The following HPSE2 variants were observed in gnomAD, a reference collection of about 807,000 sequenced individuals.
HPSE2 encodes inactive heparanase-2.
A neutral mutation model predicts 60.5 loss-of-function variants in HPSE2; 38 were observed. The observed-to-expected ratio is 0.63, with a 90% CI of 0.48 to 0.82. HPSE2 has a LOEUF of 0.82. HPSE2 is among the 40% of genes least tolerant of loss of function. The probability of loss-of-function intolerance (pLI) is 0.00; values close to 1 mark genes in which losing one functional copy is unlikely to be tolerated. For synonymous variants in HPSE2, 295 were observed against 293.2 expected (o/e 1.01, Z -0.06); for missense variants, 713 against 740.4 (o/e 0.96, Z 0.43).
At chr10:98,648,706 A>G (rs1213275746) in intron 6 of HPSE2, among the ~76,000 whole-genome samples, 2 of 152,124 alleles carry the variant, frequency 1.3e-5, no homozygotes, top group Admixed American at 6.5e-5. Flanking sequence ...TTATGGCACC[A>G]GTACTCAGCC....
chr10:99,199,287 G>A (rs1369768013), intron 2 of HPSE2, among the ~76,000 whole-genome samples: 1 of 151,990 alleles, frequency 6.6e-6, no homozygotes, highest in Non-Finnish European at 1.5e-5. Flanking sequence ...CATTTCCATT[G>A]ATAGTATAAA....
the HPSE2 span, among the ~76,000 whole-genome samples, chr10:99,275,812 A>T: frequency 6.6e-6 from 1 of 152,124 alleles, no homozygotes; most frequent in African/African-American, 2.4e-5. Context: ...AGCTCAGAGC[A>T]GGCTCCTTCA....
rs1555017138 is a variant in HPSE2, at chr10:98,852,113, ATGTGTGTGTGTGTGTGTG to A, written c.611-108075_611-108058del. 6.5e-5 allele frequency among the ~76,000 whole-genome samples: 6 copies of A among 91,966 alleles called. No individual in the cohort carries two copies. The East Asian group carries it at 1.1e-3, about 17-fold the overall frequency. 60.3% of individuals were successfully genotyped at this position (91,966 alleles called of 152,430 possible). On this transcript the variant is annotated intron_variant, in intron 3 of 11. Transcript: ENST00000370552. ...GGTTTTGCAAACCTTGTATATTATG[ATGTGTGTGTGTGTGTGTG>A]TGTGTGTGTGTGTGTGTGTGTGTGT...
At chr10:99,061,785 G>A (rs1234804883) in intron 3 of HPSE2, among the ~76,000 whole-genome samples, 1 of 152,180 alleles carries the variant, frequency 6.6e-6, no homozygotes, top group African/African-American at 2.4e-5. Context: ...TTCCCTATCT[G>A]CAAATACATT....
chr10:98,832,588 TAAGA>T (rs549547806), intron 3 of HPSE2, among the ~76,000 whole-genome samples: 70 of 152,238 alleles, frequency 4.6e-4, no homozygotes, highest in African/African-American at 1.6e-3. Flanking sequence ...GTGAGGTAGC[TAAGA>T]ATCTGCACCA....
chr10:98,729,477 C>T (rs760293039), intron 4 of HPSE2, among the ~76,000 whole-genome samples: 12 of 152,054 alleles, frequency 7.9e-5, no homozygotes, highest in East Asian at 3.9e-4. Flanking sequence ...GGCGTGGTGG[C>T]GGGCGCCTGT....
intron 2 of HPSE2, among the ~76,000 whole-genome samples, chr10:99,221,956 T>C (rs1306389749): frequency 6.6e-6 from 1 of 151,860 alleles, no homozygotes; most frequent in South Asian, 2.1e-4. Flanking sequence ...GACAACAAGA[T>C]GGAGAGAGGC....
chr10:98,899,938 C>T (rs1590041296), intron 3 of HPSE2, among the ~76,000 whole-genome samples: 1 of 152,014 alleles, frequency 6.6e-6, no homozygotes, highest in Non-Finnish European at 1.5e-5. Context: ...TGTGCATCAC[C>T]ACGCCCAGCT....
chr10:99,160,659 G>A (rs1459768167), intron 2 of HPSE2, among the ~76,000 whole-genome samples: 2 of 152,104 alleles, frequency 1.3e-5, no homozygotes, highest in Middle Eastern at 3.4e-3. Context: ...CAGCACTTTG[G>A]GAGGCCGAGG....
chr10:98,989,484 C>T (rs1429283617), intron 3 of HPSE2, among the ~76,000 whole-genome samples: 3 of 133,556 alleles, frequency 2.2e-5, no homozygotes, highest in Admixed American at 8.6e-5. Context: ...CATCAAACAC[C>T]GGGGACTGTT....
chr10:98,576,379 C>A (rs1944640039), intron 9 of HPSE2, among the ~76,000 whole-genome samples: 1 of 152,032 alleles, frequency 6.6e-6, no homozygotes, highest in Non-Finnish European at 1.5e-5. Flanking sequence ...CGACTCAATA[C>A]AGTTTAATAT....
intron 2 of HPSE2, among the ~76,000 whole-genome samples, chr10:99,148,919 G>A (rs1286333956): frequency 3.3e-5 from 5 of 152,068 alleles, no homozygotes; most frequent in Admixed American, 1.3e-4. Context: ...TGTTGGAACA[G>A]TGTATACTGC....
chr10:98,707,043 A>G (rs1363629070), intron 5 of HPSE2, among the ~76,000 whole-genome samples: 1 of 152,078 alleles, frequency 6.6e-6, no homozygotes, highest in African/African-American at 2.4e-5. Context: ...ATACTGGTGA[A>G]GATAAGCTGG....
chr10:99,173,971 A>G, intron 2 of HPSE2, among the ~76,000 whole-genome samples: 1 of 147,970 alleles, frequency 6.8e-6, no homozygotes, highest in Non-Finnish European at 1.5e-5. Context: ...AAAAAAAAAG[A>G]ACTACAAGAG....
intron 3 of HPSE2, among the ~76,000 whole-genome samples, chr10:99,136,864 C>CA (rs1474824604): frequency 6.6e-6 from 1 of 152,138 alleles, no homozygotes; most frequent in East Asian, 1.9e-4. Context: ...CACTCCTACT[C>CA]AACATACTAT....
intron 7 of HPSE2, among the ~76,000 whole-genome samples, chr10:98,623,198 T>C (rs1165819125): frequency 1.3e-5 from 2 of 152,148 alleles, no homozygotes; most frequent in Admixed American, 6.5e-5. Flanking sequence ...AACATTAAGC[T>C]AAGTGAAAGA....
chr10:98,946,472 CAAAA>C (rs61591255), intron 3 of HPSE2, among the ~76,000 whole-genome samples: 1 of 93,226 alleles, frequency 1.1e-5, no homozygotes, highest in Admixed American at 1.1e-4. Context: ...GACCCTCACT[CAAAA>C]AAAAAAAAAA....
At chr10:98,991,408 C>T (rs901962506) in intron 3 of HPSE2, among the ~76,000 whole-genome samples, 1 of 152,118 alleles carries the variant, frequency 6.6e-6, no homozygotes, top group African/African-American at 2.4e-5. Context: ...TGCAAAGGCC[C>T]TTACACTAGA....
chr10:98,475,154 G>A (rs1940952516), intron 11 of HPSE2, among the ~76,000 whole-genome samples: 1 of 142,278 alleles, frequency 7.0e-6, no homozygotes, highest in African/African-American at 2.7e-5. Context: ...GTCTCGCTCT[G>A]TCGCCCAGGC....
Sources: gnomAD v4.1 joint callset for allele counts (sites outside exome capture counted in the v4.1 genomes callset) on GRCh38, gnomAD v4.1.1 for gene constraint, MANE v1.5 for transcripts, NCBI Gene and HGNC (gene_info 2026-07-23, HGNC 2026-07-21) for gene names.